The following SLC13A3 variants were observed in gnomAD, a reference collection of about 807,000 sequenced individuals.
The protein encoded by SLC13A3 is Na(+)/dicarboxylate cotransporter 3.
SLC13A3 carries 40 observed loss-of-function variants against 59.0 expected under a neutral mutation model. That is an observed-to-expected ratio of 0.68 (90% CI 0.53 to 0.88). The LOEUF is 0.88. Among genes scored for constraint, SLC13A3 ranks in the 40% least tolerant of loss-of-function variants. The pLI is 0.00. For missense variants in SLC13A3, 699 were observed against 783.2 expected (o/e 0.89, Z 1.28); for synonymous variants, 317 against 330.3 (o/e 0.96, Z 0.44).
chr20:46,661,880 A>G (rs2063032426), intron 1 of SLC13A3, among the ~76,000 whole-genome samples: 1 of 152,184 alleles, frequency 6.6e-6, no homozygotes, highest in Non-Finnish European at 1.5e-5. Context: ...TACTTAAGAG[A>G]GGCCCCTTGC....
intron 8 of SLC13A3, chr20:46,584,514 T>C: frequency 1.0e-6 from 1 of 985,020 alleles, no homozygotes. Flanking sequence ...CTCACACATT[T>C]GGAAAGGAGA....
At chr20:46,562,180 C>G (rs76119264) in intron 12 of SLC13A3, among the ~76,000 whole-genome samples, 1,930 of 152,304 alleles carry the variant, frequency 0.013, 22 homozygotes, top group East Asian at 0.072. Context: ...CTTCTACAGA[C>G]AGAAGTGAAA....
intron 12 of SLC13A3, among the ~76,000 whole-genome samples, chr20:46,561,425 G>C (rs2061929373): frequency 6.6e-6 from 1 of 152,172 alleles, no homozygotes; most frequent in African/African-American, 2.4e-5. Context: ...GGGGTTCACA[G>C]GGGCCACCAT....
At chr20:46,652,690 C>T (rs1470018655), upstream of SLC13A3, among the ~76,000 whole-genome samples, 2 of 152,030 alleles carry the variant, frequency 1.3e-5, no homozygotes, top group South Asian at 4.2e-4. Flanking sequence ...TCACCACGCC[C>T]GGCCGTTATT....
intron 1 of SLC13A3, among the ~76,000 whole-genome samples, chr20:46,637,495 G>A (rs973269486): frequency 6.6e-6 from 1 of 152,188 alleles, no homozygotes; most frequent in Non-Finnish European, 1.5e-5. Context: ...CACACAGTGA[G>A]TAAAGGGAGG....
intron 1 of SLC13A3, among the ~76,000 whole-genome samples, chr20:46,659,721 C>CA (rs945866852): frequency 1.3e-5 from 2 of 148,292 alleles, no homozygotes; most frequent in African/African-American, 2.5e-5. Flanking sequence ...ATCCCCCCCC[C>CA]CCAAAAAAAA....
chr20:46,649,340 G>C (rs535422237), intron 1 of SLC13A3, among the ~76,000 whole-genome samples: 1 of 152,080 alleles, frequency 6.6e-6, no homozygotes, highest in Non-Finnish European at 1.5e-5. Flanking sequence ...CCCAAGCCTC[G>C]TACCGAATCC....
intron 1 of SLC13A3, among the ~76,000 whole-genome samples, chr20:46,633,881 G>A (rs983814631): frequency 2.0e-5 from 3 of 152,224 alleles, no homozygotes; most frequent in East Asian, 1.9e-4. Flanking sequence ...GCATTAGCTC[G>A]CCTGTGTGTC....
intron 3 of SLC13A3, chr20:46,600,565 C>T (rs1262473159): frequency 8.9e-6 from 4 of 447,272 alleles, no homozygotes; most frequent in Non-Finnish European, 1.9e-5. Flanking sequence ...GCTTGACAAC[C>T]CATAACTCAA....
rs2062528112 is a variant in SLC13A3, at chr20:46,613,821, G to T, written c.112-96C>A. 5.3e-6 allele frequency: 6 copies of T among 1,137,924 alleles called. No homozygotes were observed. In the East Asian group the frequency reaches 1.1e-4, roughly 20 times the overall value. The allele number at this position is 1,137,924 out of a possible 1,614,324, so 70.5% of individuals were successfully genotyped here. On this transcript the variant is annotated intron_variant, in intron 1 of 12. Transcript: ENST00000279027. ...AGGGCAGAGGGGGAAGGAGGCCTGGGCTGGGGGCAGAGGGGGAAGGAGGCC... is the reference window on the plus strand; with the variant it reads ...AGGGCAGAGGGGGAAGGAGGCCTGGTCTGGGGGCAGAGGGGGAAGGAGGCC...
intron 3 of SLC13A3, among the ~76,000 whole-genome samples, chr20:46,602,694 A>G (rs1368884399): frequency 6.6e-6 from 1 of 152,216 alleles, no homozygotes; most frequent in Non-Finnish European, 1.5e-5. Flanking sequence ...TATTAGTTAG[A>G]GACCAGAAAT....
intron 1 of SLC13A3, among the ~76,000 whole-genome samples, chr20:46,656,488 T>G (rs191954318): frequency 8.6e-4 from 111 of 129,020 alleles, no homozygotes; most frequent in Middle Eastern, 5.4e-3. Context: ...TTATACTGTA[T>G]ATGATATACT....
chr20:46,674,767 C>T (rs1348547471), upstream of SLC13A3, among the ~76,000 whole-genome samples: 1 of 152,102 alleles, frequency 6.6e-6, no homozygotes, highest in Middle Eastern at 3.4e-3. Flanking sequence ...CTACTAAATC[C>T]CAGGCACCAT....
chr20:46,560,345 T>G (rs2061920401), intron 12 of SLC13A3, 147 bp from the exon 13 acceptor site: 31 of 691,834 alleles, frequency 4.5e-5, no homozygotes, highest in Non-Finnish European at 6.8e-5. Flanking sequence ...GGTCGGTAAA[T>G]GCCTGGGACC....
At chr20:46,638,293 G>A (rs1247410641) in intron 1 of SLC13A3, among the ~76,000 whole-genome samples, 1 of 152,208 alleles carries the variant, frequency 6.6e-6, no homozygotes, top group Non-Finnish European at 1.5e-5. Flanking sequence ...CTGGGGCAGG[G>A]ATTGGTTAAT....
intron 9 of SLC13A3, among the ~76,000 whole-genome samples, chr20:46,576,279 C>A (rs532388796): frequency 6.6e-6 from 1 of 152,194 alleles, no homozygotes; most frequent in East Asian, 1.9e-4. Context: ...GAGACCATAC[C>A]TAAACGTGTG....
chr20:46,589,008 C>T (rs1377387349), intron 7 of SLC13A3, 152 bp downstream of exon 7: 3 of 673,476 alleles, frequency 4.5e-6, no homozygotes, highest in African/African-American at 3.6e-5. Flanking sequence ...ACTGTGTAAA[C>T]CACCTCCCAT....
At chr20:46,679,046 A>G (rs2063141020) in intron 1 of SLC13A3, among the ~76,000 whole-genome samples, 1 of 152,174 alleles carries the variant, frequency 6.6e-6, no homozygotes, top group South Asian at 2.1e-4. Context: ...CCTCACCAGA[A>G]GCAGATGCTG....
chr20:46,654,308 T>G (rs1341551999), upstream of SLC13A3, among the ~76,000 whole-genome samples: 1 of 152,228 alleles, frequency 6.6e-6, no homozygotes, highest in Non-Finnish European at 1.5e-5. Context: ...TTTTGTCACT[T>G]GCATGGCTTT....
Sources: allele counts gnomAD v4.1 joint callset (sites outside exome capture counted in the v4.1 genomes callset), GRCh38; gene constraint gnomAD v4.1.1; transcripts MANE v1.5; gene names NCBI Gene and HGNC (gene_info 2026-07-23, HGNC 2026-07-21).